The following LUZP2 variants were observed in gnomAD, a reference collection of about 807,000 sequenced individuals.
LUZP2 encodes leucine zipper protein 2.
LUZP2 carries 52 observed loss-of-function variants against 51.6 expected under a neutral mutation model. That is an observed-to-expected ratio of 1.01 (90% CI 0.81 to 1.27). LUZP2 has a LOEUF of 1.27. Ranked by LOEUF, LUZP2 falls within the 50% of genes most tolerant of loss-of-function variation. The pLI, the probability that LUZP2 is intolerant of heterozygous loss-of-function variation, is 0.00. For synonymous variants in LUZP2, 154 were observed against 137.3 expected (o/e 1.12, Z -0.85); for missense variants, 436 against 395.4 (o/e 1.10, Z -0.87).
chr11:24,769,786 C>CTTTTTTTTTTTTTTTTTTTTTTT, intron 5 of LUZP2, among the ~76,000 whole-genome samples: 1 of 146,958 alleles, frequency 6.8e-6, no homozygotes, highest in African/African-American at 2.7e-5. Context: ...ACTAAATTCT[C>CTTTTTTTTTTTTTTTTTTTTTTT]TTTTTTGTTT....
intron 7 of LUZP2, among the ~76,000 whole-genome samples, chr11:24,955,022 A>G (rs886740765): frequency 2.0e-5 from 3 of 152,010 alleles, no homozygotes; most frequent in Non-Finnish European, 4.4e-5. Flanking sequence ...CATTCAATGA[A>G]CTATAAAGAA....
intron 5 of LUZP2, among the ~76,000 whole-genome samples, chr11:24,904,385 C>T (rs556673290): frequency 6.6e-6 from 1 of 152,056 alleles, no homozygotes; most frequent in Non-Finnish European, 1.5e-5. Context: ...TGGGTTCACA[C>T]CATTCTCCTG....
intron 5 of LUZP2, among the ~76,000 whole-genome samples, chr11:24,820,084 T>C (rs1448209261): frequency 6.6e-6 from 1 of 152,150 alleles, no homozygotes; most frequent in African/African-American, 2.4e-5. Flanking sequence ...CTGTATGTAC[T>C]CTCAAGGAAT....
Position 24,589,886 on chromosome 11 carries a change from T to C in LUZP2, c.62+92581T>C, listed in dbSNP as rs778931199. Among the ~76,000 whole-genome samples the C allele has an allele frequency of 4.6e-5, 7 of 152,142 alleles. 1 individual carries two copies. The highest frequency in any genetic ancestry group is 4.1e-4 in the South Asian group (2 of 4,820). On this transcript the variant is annotated intron_variant, in intron 1 of 11. Transcript: ENST00000336930. ...CATTTTCAGTTCTAACACTGAATCT[T>C]AGGCATGAAGTGACAGCAGCTATGT... is the stretch of plus-strand genomic sequence containing the variant.
chr11:24,924,299 G>A (rs906288201), intron 7 of LUZP2, among the ~76,000 whole-genome samples: 2 of 151,804 alleles, frequency 1.3e-5, no homozygotes, highest in East Asian at 3.9e-4. Context: ...GATGGTCTCG[G>A]TCTCCTGACC....
At chr11:25,044,255 G>GTA (rs1297961732) in intron 9 of LUZP2, among the ~76,000 whole-genome samples, 498 of 42,320 alleles carry the variant, frequency 0.012, no homozygotes, top group Non-Finnish European at 0.015. Flanking sequence ...GTGTGTGTGT[G>GTA]TGTATATATA....
intron 5 of LUZP2, among the ~76,000 whole-genome samples, chr11:24,767,602 C>T (rs1860240244): frequency 6.6e-6 from 1 of 152,136 alleles, no homozygotes; most frequent in African/African-American, 2.4e-5. Context: ...CATTTATTTA[C>T]AATGGCCCAC....
chr11:25,012,951 C>T (rs1857025745), intron 9 of LUZP2, among the ~76,000 whole-genome samples: 1 of 152,074 alleles, frequency 6.6e-6, no homozygotes, highest in South Asian at 2.1e-4. Flanking sequence ...TTCACAATAG[C>T]AAATATATGG....
intron 1 of LUZP2, among the ~76,000 whole-genome samples, chr11:24,570,627 A>C (rs2133799135): frequency 6.6e-6 from 1 of 152,114 alleles, no homozygotes; most frequent in Non-Finnish European, 1.5e-5. Context: ...GGCTTTAATA[A>C]ATAGATATTT....
chr11:24,577,169 A>C (rs930670275), intron 1 of LUZP2, among the ~76,000 whole-genome samples: 13 of 151,902 alleles, frequency 8.6e-5, no homozygotes, highest in African/African-American at 2.4e-4. Context: ...GCTGGTGCCT[A>C]AAATGATAAC....
chr11:25,050,037 G>A lies in LUZP2; in HGVS notation c.766-1G>A. On this transcript the variant is annotated splice_acceptor_variant, in intron 9 of 11. Transcript: ENST00000336930. LOFTEE classifies it high-confidence loss of function. ...TTCTATCTCTCTTCGTCTCTTTTAA[G>A]CCTCAACAAAGTGCTTCTGGAAACA... 2 of 1,575,578 alleles carry A rather than the reference G, an allele frequency of 1.3e-6. No individual in the cohort carries two copies. The highest frequency in any genetic ancestry group is 1.7e-6 in the Non-Finnish European group (2 of 1,160,638).
intron 1 of LUZP2, among the ~76,000 whole-genome samples, chr11:24,688,899 A>G (rs1463496852): frequency 2.0e-5 from 3 of 152,072 alleles, no homozygotes; most frequent in East Asian, 1.9e-4. Flanking sequence ...TCTCCCAGCT[A>G]GAAGATCTAG....
Position 24,658,884 on chromosome 11 carries a change from C to A in LUZP2, c.63-70285C>A, listed in dbSNP as rs371366448. ...AACCACAATGAGATAGCATCTCACA[C>A]CAGTTAGAATGGCAATCATTAAAAT... On this transcript the variant is annotated intron_variant, in intron 1 of 11. Coordinates refer to ENST00000336930, the MANE Select transcript of LUZP2 (RefSeq NM_001009909.4). 7.2e-5 allele frequency among the ~76,000 whole-genome samples: 11 copies of A among 152,288 alleles called. No homozygotes were observed. In the East Asian group the frequency reaches 1.5e-3, roughly 21 times the overall value.
intron 1 of LUZP2, among the ~76,000 whole-genome samples, chr11:24,525,889 A>G (rs1355237487): frequency 1.3e-5 from 2 of 151,332 alleles, no homozygotes; most frequent in African/African-American, 2.4e-5. Flanking sequence ...GAATACAAGC[A>G]TGTAAGGGAG....
chr11:24,596,482 A>G (rs2133852852), intron 1 of LUZP2, among the ~76,000 whole-genome samples: 1 of 152,316 alleles, frequency 6.6e-6, no homozygotes, highest in Admixed American at 6.5e-5. Flanking sequence ...GAACAGCAGC[A>G]GTGTAATCAA....
At chr11:24,734,878 A>G (rs1366153056) in intron 3 of LUZP2, among the ~76,000 whole-genome samples, 1 of 151,798 alleles carries the variant, frequency 6.6e-6, no homozygotes, top group Non-Finnish European at 1.5e-5. Context: ...CTCAATTATT[A>G]CCTTGTTTTC....
intron 1 of LUZP2, among the ~76,000 whole-genome samples, chr11:24,601,814 G>A (rs1016925198): frequency 6.7e-6 from 1 of 148,526 alleles, no homozygotes; most frequent in Non-Finnish European, 1.5e-5. Flanking sequence ...AGCAATACAA[G>A]ACTGTTTAGA....
rs1400190679 is a variant in LUZP2, at chr11:24,638,629, G to A, written c.63-90540G>A. 4.6e-5 allele frequency among the ~76,000 whole-genome samples: 7 copies of A among 151,350 alleles called. 1 individual carries two copies. The highest frequency in any genetic ancestry group is 2.0e-4 in the Admixed American group (3 of 15,220). ...TAACTTGGAATTTTTTCTAAATTAT[G>A]CATTTTGTTAAGAAATTAGGGCATA... is the stretch of plus-strand genomic sequence containing the variant. On this transcript the variant is annotated intron_variant, in intron 1 of 11. Coordinates refer to ENST00000336930, the MANE Select transcript of LUZP2 (RefSeq NM_001009909.4).
chr11:25,056,150 C>CTTT (rs1388644006), intron 10 of LUZP2, among the ~76,000 whole-genome samples: 1 of 152,132 alleles, frequency 6.6e-6, no homozygotes, highest in Non-Finnish European at 1.5e-5. Context: ...TTCAGTGCTA[C>CTTT]TTTACACAGC....
Sources: gnomAD v4.1 joint callset for allele counts (sites outside exome capture counted in the v4.1 genomes callset) on GRCh38, gnomAD v4.1.1 for gene constraint, MANE v1.5 for transcripts, NCBI Gene and HGNC (gene_info 2026-07-23, HGNC 2026-07-21) for gene names.